KAT5: variants seen among roughly 807,000 people sequenced by gnomAD.
The protein encoded by KAT5 is lysine acetyltransferase 5.
A neutral mutation model predicts 68.1 loss-of-function variants in KAT5; 31 were observed. That is an observed-to-expected ratio of 0.46 (90% CI 0.34 to 0.61). The LOEUF is 0.61. KAT5 is among the 20% of genes least tolerant of loss of function. KAT5 has a pLI of 0.01. For synonymous variants in KAT5, 365 were observed against 292.6 expected, an observed-to-expected ratio of 1.25 and a Z score of -2.52; for missense variants, 451 against 725.5, an observed-to-expected ratio of 0.62 and a Z score of 4.35.
chr11:65,716,032 A>C (rs1257487778), intron 8 of KAT5: 2 of 152,516 alleles, frequency 1.3e-5, no homozygotes, highest in Non-Finnish European at 2.9e-5. Flanking sequence ...GTCAAAAAAA[A>C]AAAAAAAAAA....
intron 10 of KAT5, 73 bp downstream of exon 10, chr11:65,717,055 C>T: frequency 8.5e-7 from 1 of 1,172,088 alleles, no homozygotes; most frequent in Non-Finnish European, 1.3e-6. Context: ...GGCCAGGCTA[C>T]TGTGATTCTC....
rs778427253 is a variant in KAT5, at chr11:65,714,578, C to T, written c.774C>T (p.Ile258=). ...TGTCTGATCGAAGCCACGACGACAT[C>T]GTCACCCGGATGAAGAACATTGAGT... ...SLVSDRSHDD[I]VTRMKNIECI... is the part of the protein sequence containing the mutation. The change falls in exon 7 of 13, where the codon ATC becomes ATT. Residue 258 remains isoleucine, a synonymous_variant. Coordinates refer to ENST00000341318, the MANE Select transcript of KAT5 (RefSeq NM_182710.3). 4.0e-5 allele frequency: 64 copies of T among 1,614,092 alleles called. No homozygotes were observed. The highest frequency in any genetic ancestry group is 1.6e-4 in the Middle Eastern group (1 of 6,084).
intron 6 of KAT5, 57 bp downstream of exon 6, chr11:65,713,905 G>T: frequency 6.9e-7 from 1 of 1,445,968 alleles, no homozygotes; most frequent in Non-Finnish European, 9.5e-7. Context: ...TGCAGGCAGG[G>T]TGGAGAGTTA....
chr11:65,712,124 C>T, upstream of KAT5: 1 of 726,206 alleles, frequency 1.4e-6, no homozygotes, highest in East Asian at 3.4e-5. Flanking sequence ...GTCACAGGGG[C>T]AGTCTTGCCC....
At chr11:65,712,595 G>C (rs11824283) in intron 1 of KAT5, 150 bp downstream of exon 1, 2 of 1,211,000 alleles carry the variant, frequency 1.7e-6, no homozygotes, top group South Asian at 1.3e-5. Context: ...GCTGCTCCGA[G>C]AGGTACAGGG....
In KAT5 at chr11:65,712,916, C is replaced by T. The variant is rs1218850884; in HGVS notation, c.248-6C>T. ...ATTCTGTCCTGAGCCATCCCCACTGCTACAGTCAACAAACGTCTGGATGAA... is the reference window on the plus strand; with the variant it reads ...ATTCTGTCCTGAGCCATCCCCACTGTTACAGTCAACAAACGTCTGGATGAA... On this transcript the variant is annotated splice_polypyrimidine_tract_variant and splice_region_variant and intron_variant, in intron 2 of 12. Transcript: ENST00000341318. The T allele has an allele frequency of 6.2e-7, 1 of 1,614,150 alleles. No individual in the cohort carries two copies. The highest frequency in any genetic ancestry group is 1.3e-5 in the African/African-American group (1 of 75,018).
Position 65,713,631 on chromosome 11 carries a change from G to T in KAT5, c.579G>T (p.Val193=). 1 of 1,614,178 alleles carries T rather than the reference G, an allele frequency of 6.2e-7. No individual in the cohort carries two copies. The highest frequency in any genetic ancestry group is 8.5e-7 in the Non-Finnish European group (1 of 1,180,034). The change falls in exon 5 of 13, where the codon GTG becomes GTT. Residue 193 remains valine (V), a synonymous_variant. Transcript: ENST00000341318. ...AGGTGGTTTCACCAGCAACTCCAGT[G>T]CCCAGCGAGACAGCCCCGGCCTCGG... ...KVEVVSPATP[V]PSETAPASVF... is the part of the protein sequence containing the mutation.
At chr11:65,712,689 G>A in intron 1 of KAT5, 77 bp from the exon 2 acceptor site, 1 of 1,530,530 alleles carries the variant, frequency 6.5e-7, no homozygotes. Context: ...CCGGCCTGGG[G>A]GTGGAGTTCA....
At chr11:65,718,823 C>T (rs1565211741) in intron 11 of KAT5, 50 bp from the exon 12 acceptor site, 1 of 1,613,456 alleles carries the variant, frequency 6.2e-7, no homozygotes, top group Non-Finnish European at 8.5e-7. Flanking sequence ...CTCAGGGCTC[C>T]TGGGGACAGA....
At position 65,712,267 on chromosome 11, in the gene KAT5, G is replaced by A; in HGVS notation, c.-1G>A. The stretch of plus-strand genomic sequence containing the variant: ...CGGAAGTGGCAGTGGAGGGAGGGAA[G>A]ATGGCGGAGGTGGTGAGTCCGGTGC... On this transcript the variant is annotated 5_prime_UTR_variant, in exon 1 of 13. Transcript: ENST00000341318. The A allele has an allele frequency of 7.1e-7, 1 of 1,416,312 alleles. No homozygotes were observed. Among genetic ancestry groups the A allele is most frequent in the Non-Finnish European group, 9.2e-7 (1 of 1,085,770 alleles). 87.7% of individuals were successfully genotyped at this position (1,416,312 alleles called of 1,614,324 possible).
At position 65,712,751 on chromosome 11, in the gene KAT5, A is replaced by C. The variant is rs772275391; in HGVS notation, c.179-15A>C. The C allele has an allele frequency of 1.9e-6, 3 of 1,613,732 alleles. No homozygotes were observed. Among genetic ancestry groups the C allele is most frequent in the East Asian group, 2.2e-5 (1 of 44,874 alleles). On this transcript the variant is annotated splice_polypyrimidine_tract_variant and intron_variant, in intron 1 of 12. Coordinates refer to ENST00000341318, the MANE Select transcript of KAT5 (RefSeq NM_182710.3). ...CCTGGCCTGTCTAAGGCCCCTGTCT[A>C]TGCTATTCTCATAGCCCTGGCCGAG...
upstream of KAT5, chr11:65,712,197 G>T: frequency 1.5e-6 from 2 of 1,366,486 alleles, no homozygotes; most frequent in Non-Finnish European, 1.9e-6. Context: ...TGAGGCCCGG[G>T]CCCACAGGGC....
chr11:65,718,332 C>G (rs1857275011), intron 10 of KAT5: 1 of 424,444 alleles, frequency 2.4e-6, no homozygotes, highest in African/African-American at 2.0e-5. Flanking sequence ...CCTTCACTGG[C>G]CTCTGATCAC....
At chr11:65,715,292 G>C (rs555194042) in intron 8 of KAT5, 10 of 263,976 alleles carry the variant, frequency 3.8e-5, no homozygotes, top group Non-Finnish European at 7.5e-5. Flanking sequence ...GCACAAAGGT[G>C]GTCTTTGTGA....
At chr11:65,717,023 A>C in intron 10 of KAT5, 41 bp downstream of exon 10, 1 of 1,464,660 alleles carries the variant, frequency 6.8e-7, no homozygotes, top group Non-Finnish European at 9.6e-7. Flanking sequence ...TGGACCCACT[A>C]TCGGTGCCTC....
At chr11:65,718,842 C>T (rs1307946938) in intron 11 of KAT5, 31 bp from the exon 12 acceptor site, 2 of 1,613,764 alleles carry the variant, frequency 1.2e-6, no homozygotes, top group African/African-American at 1.3e-5. Flanking sequence ...GATAAAGGTC[C>T]TCAGGGAACC....
chr11:65,717,398 G>T, intron 10 of KAT5: 1 of 271,722 alleles, frequency 3.7e-6, no homozygotes, highest in Non-Finnish European at 7.2e-6. Flanking sequence ...CCAAAATGCT[G>T]TCAGCAGATA....
Position 65,719,433 on chromosome 11 carries a change from A to G in KAT5, c.*252A>G, listed in dbSNP as rs1401505399. On this transcript the variant is annotated 3_prime_UTR_variant, in exon 13 of 13. Transcript: ENST00000341318. ...AAGCAGGGACCAGAGGGAGCCAGGC[A>G]GCTGTGTACAGTGAGAAGGGATCCG... The G allele has an allele frequency of 1.7e-6, 1 of 603,788 alleles. No homozygotes were observed. 37.4% of individuals were successfully genotyped at this position (603,788 alleles called of 1,614,324 possible).
chr11:65,716,825 C>T lies in KAT5; in HGVS notation c.1170+18C>T. 1 of 1,614,134 alleles carries T rather than the reference C, an allele frequency of 6.2e-7. No individual in the cohort carries two copies. Among genetic ancestry groups the T allele is most frequent in the South Asian group, 1.1e-5 (1 of 91,080 alleles). On this transcript the variant is annotated intron_variant, in intron 9 of 12. Transcript: ENST00000341318. The stretch of plus-strand genomic sequence containing the variant: ...TCTCCAAGGTCAGTGCCTGCCCAAG[C>T]TGTCCCTGTGCCCTGTCCTGAGCCA...
Sources: gnomAD v4.1 joint callset for allele counts on GRCh38, gnomAD v4.1.1 for gene constraint, MANE v1.5 for transcripts, NCBI Gene and HGNC (gene_info 2026-07-23, HGNC 2026-07-21) for gene names.